SULF2: variants seen among roughly 807,000 people sequenced by gnomAD.
SULF2 encodes the protein extracellular sulfatase Sulf-2.
In SULF2, 52 loss-of-function variants were observed where a neutral mutation model predicts 107.7. The ratio of observed to expected loss-of-function variants is 0.48; its 90% CI spans 0.39 to 0.61. The LOEUF (loss-of-function observed/expected upper bound fraction) is 0.61. Among genes scored for constraint, SULF2 ranks in the 20% least tolerant of loss-of-function variants. SULF2 has a pLI of 0.00. For missense variants in SULF2, 993 were observed against 1,177.3 expected, an observed-to-expected ratio of 0.84 and a Z score of 2.29; for synonymous variants, 460 against 464.3, an observed-to-expected ratio of 0.99 and a Z score of 0.12.
At chr20:47,690,021 G>C in intron 5 of SULF2, 105 bp downstream of exon 5, 1 of 1,123,570 alleles carries the variant, frequency 8.9e-7, no homozygotes. Flanking sequence ...GAGGATTAGA[G>C]AGGAGGCACA....
intron 11 of SULF2, among the ~76,000 whole-genome samples, chr20:47,671,814 A>C (rs1312012872): frequency 6.6e-6 from 1 of 152,142 alleles, no homozygotes; most frequent in Non-Finnish European, 1.5e-5. Context: ...TCCTGGGTTC[A>C]AGCGATTCTC....
chr20:47,776,343 AGCATG>A (rs1299781031), intron 1 of SULF2, among the ~76,000 whole-genome samples: 1 of 152,246 alleles, frequency 6.6e-6, no homozygotes, highest in Non-Finnish European at 1.5e-5. Flanking sequence ...CTATTCTACC[AGCATG>A]GCAGAGCAAG....
chr20:47,658,217 G>A lies in SULF2; in HGVS notation c.*145C>T. The stretch of plus-strand genomic sequence containing the variant: ...TCCTGCTGGTTATCCTCCAGAATCT[G>A]TCATGTTGACTGAGAGTGCGTGCTT... On this transcript the variant is annotated 3_prime_UTR_variant, in exon 21 of 21. Coordinates refer to ENST00000688720, the MANE Select transcript of SULF2 (RefSeq NM_001387048.1). 2 of 793,496 alleles carry A rather than the reference G, an allele frequency of 2.5e-6. No individual in the cohort carries two copies. Among genetic ancestry groups the A allele is most frequent in the East Asian group, 2.5e-5 (1 of 39,888 alleles). The allele number at this position is 793,496 out of a possible 1,614,324, so 49.2% of individuals were successfully genotyped here.
chr20:47,729,731 G>C (rs2089543512), intron 3 of SULF2, among the ~76,000 whole-genome samples: 1 of 152,206 alleles, frequency 6.6e-6, no homozygotes, highest in Non-Finnish European at 1.5e-5. Context: ...GTGCTGGGGA[G>C]AGCTCTGGGG....
At chr20:47,728,173 C>T (rs1275644678) in intron 3 of SULF2, among the ~76,000 whole-genome samples, 1 of 152,104 alleles carries the variant, frequency 6.6e-6, no homozygotes, top group Non-Finnish European at 1.5e-5. Flanking sequence ...GGAAGATGGG[C>T]AGATGAGAGG....
intron 7 of SULF2, among the ~76,000 whole-genome samples, chr20:47,682,462 C>T (rs1013314362): frequency 6.6e-6 from 1 of 152,238 alleles, no homozygotes; most frequent in Non-Finnish European, 1.5e-5. Context: ...GCAGCATGTT[C>T]GCTGCCAGAA....
At chr20:47,717,101 A>G (rs1168676429) in intron 3 of SULF2, among the ~76,000 whole-genome samples, 1 of 152,166 alleles carries the variant, frequency 6.6e-6, no homozygotes, top group Non-Finnish European at 1.5e-5. Flanking sequence ...CCTGCTAGAA[A>G]ACTCCACTGT....
At chr20:47,764,481 G>A (rs547593300) in intron 1 of SULF2, among the ~76,000 whole-genome samples, 7 of 152,310 alleles carry the variant, frequency 4.6e-5, no homozygotes, top group East Asian at 1.9e-4. Context: ...GCAGGGCAGC[G>A]CATGTGAGCC....
intron 3 of SULF2, among the ~76,000 whole-genome samples, chr20:47,703,807 C>A (rs1013884837): frequency 3.9e-5 from 6 of 152,124 alleles, no homozygotes; most frequent in African/African-American, 1.4e-4. Flanking sequence ...ATTTACAGAA[C>A]GGAAGGCTAC....
intron 3 of SULF2, among the ~76,000 whole-genome samples, chr20:47,709,265 G>A (rs1169260537): frequency 8.5e-5 from 13 of 152,202 alleles, no homozygotes; most frequent in Admixed American, 8.5e-4. Flanking sequence ...CAAGCTGGGG[G>A]CTGGCGTGGG....
intron 3 of SULF2, among the ~76,000 whole-genome samples, chr20:47,708,520 A>G (rs949400716): frequency 2.0e-5 from 3 of 152,192 alleles, no homozygotes; most frequent in African/African-American, 4.8e-5. Context: ...AAACAAGTCC[A>G]CAGCTTTTGA....
intron 1 of SULF2, among the ~76,000 whole-genome samples, chr20:47,761,755 C>T (rs1369517055): frequency 6.6e-6 from 1 of 152,240 alleles, no homozygotes; most frequent in East Asian, 1.9e-4. Flanking sequence ...GAATCAGTCC[C>T]TGAACCACCC....
chr20:47,662,997 A>C, intron 17 of SULF2, 73 bp downstream of exon 17: 2 of 1,572,504 alleles, frequency 1.3e-6, no homozygotes, highest in African/African-American at 1.3e-5. Context: ...CACTTCCCTG[A>C]GGTTGGGGGG....
At chr20:47,770,608 ATCTT>A (rs1335484964) in intron 1 of SULF2, among the ~76,000 whole-genome samples, 6 of 152,216 alleles carry the variant, frequency 3.9e-5, no homozygotes, top group Non-Finnish European at 8.8e-5. Context: ...GTGAATTAAA[ATCTT>A]TCTTTTATTC....
In SULF2 at chr20:47,782,719, T is replaced by G. The variant is rs146875017; in HGVS notation, c.-101+2624A>C. 4.5e-3 allele frequency among the ~76,000 whole-genome samples: 687 copies of G among 152,226 alleles called. 4 individuals carry two copies. The highest frequency in any genetic ancestry group is 0.016 in the African/African-American group (654 of 41,522). ...TTGATGTTTCCCTTTGCATTTTGAC[T>G]GGGGGAGGGGACAGTGTGTCTGCTC... is the stretch of plus-strand genomic sequence containing the variant. On this transcript the variant is annotated intron_variant, in intron 1 of 20. Transcript: ENST00000688720.
At chr20:47,775,322 C>G (rs1435811654) in intron 1 of SULF2, among the ~76,000 whole-genome samples, 1 of 152,204 alleles carries the variant, frequency 6.6e-6, no homozygotes, top group African/African-American at 2.4e-5. Context: ...TAGGGCAGAG[C>G]CCACATGGAG....
intron 1 of SULF2, among the ~76,000 whole-genome samples, chr20:47,765,436 A>C (rs1377359520): frequency 6.7e-6 from 1 of 148,216 alleles, no homozygotes; most frequent in African/African-American, 2.6e-5. Context: ...TGGGAGAGGA[A>C]GAAGGGGCCA....
rs1404566887 is a variant in SULF2 at position 47,736,693 on chromosome 20, C to A, written c.415+10G>T. The A allele has an allele frequency of 6.2e-7, 1 of 1,614,114 alleles. No individual in the cohort carries two copies. The highest frequency in any genetic ancestry group is 1.1e-5 in the South Asian group (1 of 91,068). On this transcript the variant is annotated intron_variant, in intron 3 of 20. Coordinates refer to ENST00000688720, the MANE Select transcript of SULF2 (RefSeq NM_001387048.1). ...ACTCCCTTCCTGCACCTGCCCCCGT[C>A]CCTGCTCACCTGTCCGGTAGCCAGT...
intron 2 of SULF2, among the ~76,000 whole-genome samples, chr20:47,750,319 G>A (rs935250722): frequency 6.6e-6 from 1 of 152,162 alleles, no homozygotes; most frequent in African/African-American, 2.4e-5. Context: ...TCTGTACACA[G>A]AAAATCCATT....
Sources: allele counts gnomAD v4.1 joint callset (sites outside exome capture counted in the v4.1 genomes callset), GRCh38; gene constraint gnomAD v4.1.1; transcripts MANE v1.5; gene names NCBI Gene and HGNC (gene_info 2026-07-23, HGNC 2026-07-21).